Variants in SWT1 observed in about 807,000 individuals in gnomAD.
The protein encoded by SWT1 is transcriptional protein SWT1.
In SWT1, 33 loss-of-function variants were observed where a neutral mutation model predicts 107.3. The ratio of observed to expected loss-of-function variants is 0.31; its 90% CI spans 0.23 to 0.41. The LOEUF is 0.41. SWT1 is among the 10% of genes least tolerant of loss of function. The pLI, the probability that SWT1 is intolerant of heterozygous loss-of-function variation, is 1.00. For missense variants in SWT1, 898 were observed against 1,028.9 expected, an observed-to-expected ratio of 0.87 and a Z score of 1.74; for synonymous variants, 345 against 348.3, an observed-to-expected ratio of 0.99 and a Z score of 0.11.
Position 185,183,605 on chromosome 1 carries a change from C to T in SWT1, c.1139-638C>T, listed in dbSNP as rs568131509. Among the ~76,000 whole-genome samples the T allele has an allele frequency of 7.9e-5, 12 of 152,236 alleles. No individual in the cohort carries two copies. The East Asian group carries it at 1.9e-3, about 25-fold the overall frequency. On this transcript the variant is annotated intron_variant, in intron 7 of 18. Transcript: ENST00000367500. ...GCATGTATTTTCTTTTACACATATT[C>T]ATCTTTCAATTATATTCACTCAGGA... is the stretch of plus-strand genomic sequence containing the variant.
chr1:185,189,530 G>A (rs1405205001), intron 9 of SWT1, among the ~76,000 whole-genome samples: 1 of 152,120 alleles, frequency 6.6e-6, no homozygotes, highest in East Asian at 1.9e-4. Context: ...GACTTCTTAA[G>A]CTGAGAAAAT....
chr1:185,201,598 C>G (rs542725594), intron 10 of SWT1, among the ~76,000 whole-genome samples: 19 of 152,238 alleles, frequency 1.2e-4, no homozygotes, highest in African/African-American at 4.3e-4. Context: ...CTAACCAGTC[C>G]CAATGAGATG....
chr1:185,284,430 T>C (rs1664828447), intron 18 of SWT1, among the ~76,000 whole-genome samples: 1 of 152,238 alleles, frequency 6.6e-6, no homozygotes, highest in Non-Finnish European at 1.5e-5. Context: ...CGGAAGCTGC[T>C]TTCCCCATAC....
At chr1:185,172,564 G>A (rs1655163391) in intron 4 of SWT1, among the ~76,000 whole-genome samples, 1 of 151,716 alleles carries the variant, frequency 6.6e-6, no homozygotes, top group Non-Finnish European at 1.5e-5. Flanking sequence ...CTTCACCTTG[G>A]TATGGTTTCT....
At chr1:185,235,224 A>G (rs576458845) in intron 16 of SWT1, among the ~76,000 whole-genome samples, 2 of 152,366 alleles carry the variant, frequency 1.3e-5, no homozygotes, top group South Asian at 2.1e-4. Flanking sequence ...TGAGGCCAGC[A>G]TCATCCTGAT....
At chr1:185,200,755 T>G (rs1657802019) in intron 10 of SWT1, among the ~76,000 whole-genome samples, 1 of 152,218 alleles carries the variant, frequency 6.6e-6, no homozygotes, top group Non-Finnish European at 1.5e-5. Flanking sequence ...AGGCAGTCTG[T>G]CTCTTAGCAG....
chr1:185,157,770 A>G (rs1279582115), intron 1 of SWT1: 1 of 152,060 alleles, frequency 6.6e-6, no homozygotes, highest in African/African-American at 2.4e-5. Context: ...GTTTTGCTCT[A>G]TTTTGCTTTG....
intron 16 of SWT1, among the ~76,000 whole-genome samples, chr1:185,254,367 C>T (rs1241155009): frequency 1.5e-5 from 2 of 133,716 alleles, no homozygotes; most frequent in African/African-American, 6.4e-5. Context: ...CCAGTTCCTC[C>T]TTGTACCTCT....
At chr1:185,259,442 A>C (rs1662869600) in intron 16 of SWT1, among the ~76,000 whole-genome samples, 1 of 152,122 alleles carries the variant, frequency 6.6e-6, no homozygotes, top group Non-Finnish European at 1.5e-5. Flanking sequence ...CCAGATTTGC[A>C]AGTTTAGGAA....
intron 2 of SWT1, among the ~76,000 whole-genome samples, chr1:185,164,168 G>A (rs1330369507): frequency 6.6e-6 from 1 of 151,604 alleles, no homozygotes; most frequent in Non-Finnish European, 1.5e-5. Context: ...TATTTTGAAA[G>A]GAATCTTTTT....
intron 16 of SWT1, among the ~76,000 whole-genome samples, chr1:185,260,981 ATAATGT>A (rs1662976786): frequency 6.6e-6 from 1 of 152,150 alleles, no homozygotes; most frequent in Non-Finnish European, 1.5e-5. Context: ...CTTCCTTAAA[ATAATGT>A]TAATATTTAA....
At chr1:185,201,785 C>T (rs187709951) in intron 10 of SWT1, among the ~76,000 whole-genome samples, 1 of 152,260 alleles carries the variant, frequency 6.6e-6, no homozygotes, top group East Asian at 1.9e-4. Flanking sequence ...TTTGACATTT[C>T]AAGCCACTAA....
intron 17 of SWT1, among the ~76,000 whole-genome samples, chr1:185,275,693 T>A (rs957958612): frequency 6.6e-6 from 1 of 151,840 alleles, no homozygotes; most frequent in African/African-American, 2.4e-5. Context: ...CCAAAAAAAC[T>A]GTATATTTTT....
intron 16 of SWT1, among the ~76,000 whole-genome samples, chr1:185,236,717 A>G (rs963842827): frequency 1.7e-4 from 26 of 152,238 alleles, no homozygotes; most frequent in Admixed American, 1.5e-3. Flanking sequence ...AAATAGACCA[A>G]TGGGTTCTGA....
At chr1:185,203,617 G>A (rs1186477994) in intron 11 of SWT1, among the ~76,000 whole-genome samples, 6 of 145,252 alleles carry the variant, frequency 4.1e-5, no homozygotes, top group Non-Finnish European at 7.5e-5. Flanking sequence ...GCAAAACTCC[G>A]TCTCAGAAAA....
At chr1:185,177,975 A>G (rs1655705270) in intron 5 of SWT1, among the ~76,000 whole-genome samples, 1 of 152,214 alleles carries the variant, frequency 6.6e-6, no homozygotes, top group South Asian at 2.1e-4. Context: ...AGAAATGAGT[A>G]AGATGATTAT....
chr1:185,176,540 TAA>T (rs1214849270), intron 5 of SWT1: 8 of 973,308 alleles, frequency 8.2e-6, no homozygotes, highest in Non-Finnish European at 9.8e-6. Context: ...CTAATCTCTA[TAA>T]TTTTGTTTCT....
At chr1:185,168,089 C>A (rs574767508) in intron 3 of SWT1, among the ~76,000 whole-genome samples, 9 of 152,052 alleles carry the variant, frequency 5.9e-5, no homozygotes, top group Non-Finnish European at 1.2e-4. Context: ...AGGATGGTAG[C>A]GTAGAGAGAG....
intron 10 of SWT1, among the ~76,000 whole-genome samples, chr1:185,201,103 A>T (rs1571487226): frequency 6.6e-6 from 1 of 151,920 alleles, no homozygotes; most frequent in African/African-American, 2.4e-5. Context: ...CCCTCCCCCC[A>T]CCAAATTCCA....
Sources: allele counts gnomAD v4.1 joint callset (sites outside exome capture counted in the v4.1 genomes callset), GRCh38; gene constraint gnomAD v4.1.1; transcripts MANE v1.5; gene names NCBI Gene and HGNC (gene_info 2026-07-23, HGNC 2026-07-21).